TDRP: variants seen among roughly 807,000 people sequenced by gnomAD.
TDRP encodes testis development related protein.
A neutral mutation model predicts 10.5 loss-of-function variants in TDRP; 12 were observed. The ratio of observed to expected loss-of-function variants is 1.15; its 90% CI spans 0.73 to 1.86. TDRP has a LOEUF of 1.86. Ranked by LOEUF, TDRP falls within the 40% of genes most tolerant of loss-of-function variation. TDRP has a pLI of 0.00. For synonymous variants in TDRP, 139 were observed against 95.4 expected (o/e 1.46, Z -2.67); for missense variants, 353 against 229.2 (o/e 1.54, Z -3.49).
At chr8:498,231 T>A (rs1166025092) in intron 1 of TDRP, among the ~76,000 whole-genome samples, 2 of 152,112 alleles carry the variant, frequency 1.3e-5, no homozygotes, top group Non-Finnish European at 2.9e-5. Flanking sequence ...AGGCACTCAA[T>A]GCCAGCCCAT....
chr8:514,354 G>GA (rs1381882254), intron 1 of TDRP, among the ~76,000 whole-genome samples: 2 of 152,114 alleles, frequency 1.3e-5, no homozygotes, highest in Non-Finnish European at 2.9e-5. Flanking sequence ...ATTCAATGGG[G>GA]AAAAAATAAT....
intron 1 of TDRP, among the ~76,000 whole-genome samples, chr8:501,930 C>T (rs1178604575): frequency 6.6e-6 from 1 of 152,204 alleles, no homozygotes; most frequent in Non-Finnish European, 1.5e-5. Context: ...AAAGCCCACC[C>T]CCAGAACAGT....
intron 1 of TDRP, among the ~76,000 whole-genome samples, chr8:528,479 G>A (rs188470953): frequency 2.2e-5 from 3 of 133,382 alleles, no homozygotes; most frequent in Non-Finnish European, 5.1e-5. Flanking sequence ...TTGCAGCACT[G>A]TTCACAACAG....
At chr8:536,872 A>C (rs1802361026) in intron 1 of TDRP, among the ~76,000 whole-genome samples, 1 of 152,108 alleles carries the variant, frequency 6.6e-6, no homozygotes, top group Admixed American at 6.5e-5. Context: ...TAATATCGTA[A>C]CTGACCCTTC....
At chr8:511,022 A>G (rs749765663) in intron 1 of TDRP, among the ~76,000 whole-genome samples, 1 of 152,372 alleles carries the variant, frequency 6.6e-6, no homozygotes, top group Non-Finnish European at 1.5e-5. Context: ...ATAAATGAAA[A>G]TGTTGAATTT....
At chr8:527,428 G>T (rs1265517675) in intron 1 of TDRP, among the ~76,000 whole-genome samples, 1 of 151,920 alleles carries the variant, frequency 6.6e-6, no homozygotes, top group Non-Finnish European at 1.5e-5. Flanking sequence ...AAATGTATAT[G>T]GAATCACAAA....
At chr8:498,289 G>A (rs920095427) in intron 1 of TDRP, among the ~76,000 whole-genome samples, 8 of 152,190 alleles carry the variant, frequency 5.3e-5, no homozygotes, top group African/African-American at 1.7e-4. Flanking sequence ...AGGGTCTGTG[G>A]AGATGCCCAA....
At chr8:535,906 C>T (rs974675536) in intron 1 of TDRP, among the ~76,000 whole-genome samples, 1 of 151,996 alleles carries the variant, frequency 6.6e-6, no homozygotes, top group African/African-American at 2.4e-5. Context: ...GCAAGCTGGG[C>T]TCCACATTCA....
At chr8:526,445 G>A (rs1360109696) in intron 1 of TDRP, among the ~76,000 whole-genome samples, 1 of 152,138 alleles carries the variant, frequency 6.6e-6, no homozygotes, top group Non-Finnish European at 1.5e-5. Flanking sequence ...TTTATCAAGT[G>A]CTTTTTCAGC....
At chr8:538,582 G>A (rs1212246304) in intron 1 of TDRP, among the ~76,000 whole-genome samples, 1 of 152,140 alleles carries the variant, frequency 6.6e-6, no homozygotes, top group Admixed American at 6.5e-5. Flanking sequence ...TCAACAAAAG[G>A]CAGAGATAGG....
At chr8:506,759 A>G (rs1376118597) in intron 1 of TDRP, among the ~76,000 whole-genome samples, 1 of 152,212 alleles carries the variant, frequency 6.6e-6, no homozygotes, top group Non-Finnish European at 1.5e-5. Flanking sequence ...GAAGCAGGAC[A>G]TAAAGCAGAC....
At chr8:499,296 TCCTTA>T (rs1801221965) in intron 1 of TDRP, among the ~76,000 whole-genome samples, 1 of 152,182 alleles carries the variant, frequency 6.6e-6, no homozygotes, top group Non-Finnish European at 1.5e-5. Context: ...CTGGCCTACT[TCCTTA>T]CAAGAATGCC....
chr8:544,525 A>G, intron 1 of TDRP, 125 bp downstream of exon 1: 1 of 603,342 alleles, frequency 1.7e-6, no homozygotes, highest in Non-Finnish European at 2.4e-6. Context: ...ACGCGGCCCC[A>G]ACCTCACCTG....
At chr8:501,655 C>T (rs1388131479) in intron 1 of TDRP, among the ~76,000 whole-genome samples, 1 of 152,174 alleles carries the variant, frequency 6.6e-6, no homozygotes, top group Non-Finnish European at 1.5e-5. Context: ...ACCTTTCCTG[C>T]TATACGTTTT....
rs1328613359 is a variant in TDRP at position 494,409 on chromosome 8, T to C, written c.212+85A>G. The C allele has an allele frequency of 3.0e-6, 4 of 1,354,020 alleles. No individual in the cohort carries two copies. In the East Asian group the frequency reaches 9.3e-5, roughly 32 times the overall value. The allele number at this position is 1,354,020 out of a possible 1,614,324, so 83.9% of individuals were successfully genotyped here. ...ACAATGCCTCCAGTTACACTGCATTTATGCCATCAAATCTTCATTTCCACC... is the reference window on the plus strand; with the variant it reads ...ACAATGCCTCCAGTTACACTGCATTCATGCCATCAAATCTTCATTTCCACC... On this transcript the variant is annotated intron_variant, in intron 2 of 2. Transcript: ENST00000324079.
rs376847908 is a variant in TDRP at position 493,771 on chromosome 8, T to C, written c.212+723A>G. Among the ~76,000 whole-genome samples the C allele has an allele frequency of 3.3e-5, 5 of 151,292 alleles. No individual in the cohort carries two copies. The South Asian group carries it at 1.0e-3, about 32-fold the overall frequency. On this transcript the variant is annotated intron_variant, in intron 2 of 2. Transcript: ENST00000324079. ...GTATTTTTAACAGTGTTTTTTTTGG[T>C]GGTGGTTGTTTTTGTTTTGTTTTGG...
chr8:535,949 C>G (rs1370905197), intron 1 of TDRP, among the ~76,000 whole-genome samples: 5 of 152,150 alleles, frequency 3.3e-5, no homozygotes, highest in African/African-American at 4.8e-5. Context: ...GTGACTGACT[C>G]ACAAAGTGAA....
At chr8:515,931 T>C (rs1801746151) in intron 1 of TDRP, among the ~76,000 whole-genome samples, 1 of 151,962 alleles carries the variant, frequency 6.6e-6, no homozygotes. Context: ...AAAAAATAAA[T>C]GGCTTTATTA....
intron 1 of TDRP, among the ~76,000 whole-genome samples, chr8:497,598 T>C (rs1041952198): frequency 1.3e-5 from 2 of 152,316 alleles, no homozygotes; most frequent in African/African-American, 2.4e-5. Context: ...CTGCAAATGG[T>C]AGAAAAGAAA....
Sources: gnomAD v4.1 joint callset for allele counts (sites outside exome capture counted in the v4.1 genomes callset) on GRCh38, gnomAD v4.1.1 for gene constraint, MANE v1.5 for transcripts, NCBI Gene and HGNC (gene_info 2026-07-23, HGNC 2026-07-21) for gene names.